CUL3: variants seen among roughly 807,000 people sequenced by gnomAD.
The protein encoded by CUL3 is cullin 3.
A neutral mutation model predicts 89.1 loss-of-function variants in CUL3; 19 were observed. The ratio of observed to expected loss-of-function variants is 0.21; its 90% CI spans 0.15 to 0.31. The LOEUF (loss-of-function observed/expected upper bound fraction) is 0.31. Ranked by LOEUF, CUL3 falls within the 10% of genes least tolerant of loss-of-function variation. CUL3 has a pLI of 1.00. For missense variants in CUL3, 469 were observed against 942.3 expected, an observed-to-expected ratio of 0.50 and a Z score of 6.58; for synonymous variants, 351 against 308.4, an observed-to-expected ratio of 1.14 and a Z score of -1.45.
chr2:224,522,320 A>C (rs951361597), intron 3 of CUL3, among the ~76,000 whole-genome samples: 1 of 152,056 alleles, frequency 6.6e-6, no homozygotes. Context: ...ATAGTGGGGG[A>C]AAAAAAGTCT....
At chr2:224,481,825 G>C (rs2106150814) in intron 14 of CUL3, 67 bp downstream of exon 14, 2 of 1,118,452 alleles carry the variant, frequency 1.8e-6, no homozygotes, top group Non-Finnish European at 1.2e-6. Context: ...AAATCCAATA[G>C]ATGAGATTTT....
At chr2:224,526,706 A>T (rs1693494884) in intron 3 of CUL3, among the ~76,000 whole-genome samples, 1 of 151,836 alleles carries the variant, frequency 6.6e-6, no homozygotes, top group African/African-American at 2.4e-5. Flanking sequence ...CCTAAACTTA[A>T]TGTCATGGAC....
chr2:224,520,074 G>A (rs1035885899), intron 3 of CUL3, among the ~76,000 whole-genome samples: 7 of 152,176 alleles, frequency 4.6e-5, no homozygotes, highest in Admixed American at 1.3e-4. Flanking sequence ...GAAAGTTGGT[G>A]GCTTTTTCTA....
chr2:224,565,889 T>TAGAA, intron 1 of CUL3, among the ~76,000 whole-genome samples: 1 of 152,344 alleles, frequency 6.6e-6, no homozygotes, highest in African/African-American at 2.4e-5. Context: ...AGCAATAATG[T>TAGAA]ATCATTTCAG....
At chr2:224,578,297 A>G (rs1695355690) in intron 1 of CUL3, among the ~76,000 whole-genome samples, 1 of 152,168 alleles carries the variant, frequency 6.6e-6, no homozygotes, top group East Asian at 1.9e-4. Context: ...GATAGTCATT[A>G]AAAACTATGT....
chr2:224,523,261 A>G (rs1693336286), intron 3 of CUL3, among the ~76,000 whole-genome samples: 1 of 152,188 alleles, frequency 6.6e-6, no homozygotes, highest in Non-Finnish European at 1.5e-5. Context: ...CATCTACCTC[A>G]AAATGTTATT....
chr2:224,585,358 G>GTCCTCC lies in CUL3; in HGVS notation c.-350_-349insGGAGGA. 3 of 400,498 alleles carry GTCCTCC rather than the reference G, an allele frequency of 7.5e-6. No homozygotes were observed. Among genetic ancestry groups the GTCCTCC allele is most frequent in the South Asian group, 2.5e-4 (2 of 7,914 alleles). 24.8% of individuals were successfully genotyped at this position (400,498 alleles called of 1,614,324 possible). On this transcript the variant is annotated 5_prime_UTR_variant, in exon 1 of 16. Coordinates refer to ENST00000264414, the MANE Select transcript of CUL3 (RefSeq NM_003590.5). The stretch of plus-strand genomic sequence containing the variant: ...CATCTCACTGCGCAGGCCGAACGTC[G>GTCCTCC]TCCTCCTCCTCCTCCTTCTCCTCCT...
chr2:224,546,601 A>G (rs1694310510), intron 2 of CUL3, among the ~76,000 whole-genome samples: 1 of 151,914 alleles, frequency 6.6e-6, no homozygotes, highest in Non-Finnish European at 1.5e-5. Context: ...ATAAATGAAC[A>G]GGTCCTCCTT....
At chr2:224,582,136 T>C (rs1262555365) in intron 1 of CUL3, among the ~76,000 whole-genome samples, 5 of 152,086 alleles carry the variant, frequency 3.3e-5, no homozygotes, top group Non-Finnish European at 1.5e-5. Flanking sequence ...CGCTAATTTT[T>C]TGTATTTTAA....
At chr2:224,520,991 A>G (rs1574653012) in intron 3 of CUL3, among the ~76,000 whole-genome samples, 1 of 152,224 alleles carries the variant, frequency 6.6e-6, no homozygotes, top group African/African-American at 2.4e-5. Flanking sequence ...AAAGTGCGCT[A>G]AATAGTTTCA....
chr2:224,495,208 G>C (rs1465778887), intron 13 of CUL3: 1 of 152,074 alleles, frequency 6.6e-6, no homozygotes, highest in Non-Finnish European at 1.5e-5. Flanking sequence ...AAAGACTGCA[G>C]ATGATGTAGA....
chr2:224,561,692 T>C (rs1020443539), intron 1 of CUL3, among the ~76,000 whole-genome samples: 1 of 152,234 alleles, frequency 6.6e-6, no homozygotes, highest in Non-Finnish European at 1.5e-5. Flanking sequence ...CTGCTACCTC[T>C]TTTTAATCAG....
intron 14 of CUL3, among the ~76,000 whole-genome samples, chr2:224,481,429 T>C (rs1280184552): frequency 6.6e-6 from 1 of 152,086 alleles, no homozygotes; most frequent in Non-Finnish European, 1.5e-5. Context: ...GTATCATTTC[T>C]ATGTTTTTAA....
intron 3 of CUL3, among the ~76,000 whole-genome samples, chr2:224,526,043 G>A (rs559856909): frequency 6.6e-5 from 10 of 152,280 alleles, no homozygotes; most frequent in African/African-American, 2.4e-4. Flanking sequence ...GAGAGTTCGT[G>A]AAATATGACC....
At position 224,506,052 on chromosome 2, in the gene CUL3, A is replaced by G; in HGVS notation, c.1110T>C (p.Ile370=). Residue 370 remains isoleucine, a synonymous_variant, in exon 8 of 16, where the codon ATT becomes ATC. Coordinates refer to ENST00000264414, the MANE Select transcript of CUL3 (RefSeq NM_003590.5). ...FNNDRLFKQT[I]AGDFEYFLNL... ...TGAGAAAATACTCAAAGTCACCCGC[A>G]ATAGTTTGTTTAAAGAGACGGTCAT... 1.9e-6 allele frequency: 3 copies of G among 1,613,040 alleles called. No individual in the cohort carries two copies. Among genetic ancestry groups the G allele is most frequent in the Non-Finnish European group, 2.5e-6 (3 of 1,179,334 alleles).
chr2:224,554,979 G>C (rs928626908), intron 2 of CUL3, among the ~76,000 whole-genome samples: 1 of 152,034 alleles, frequency 6.6e-6, no homozygotes, highest in Non-Finnish European at 1.5e-5. Context: ...TTCATCCCTT[G>C]GCTCTGGGCT....
At chr2:224,534,861 C>T (rs1162973784) in intron 3 of CUL3, among the ~76,000 whole-genome samples, 2 of 151,444 alleles carry the variant, frequency 1.3e-5, no homozygotes, top group African/African-American at 4.8e-5. Flanking sequence ...AATAGCCGGG[C>T]GTGGTGACGG....
intron 13 of CUL3, among the ~76,000 whole-genome samples, chr2:224,491,150 T>A (rs193234767): frequency 3.9e-5 from 6 of 152,334 alleles, no homozygotes; most frequent in African/African-American, 1.2e-4. Flanking sequence ...AATCAGCTTG[T>A]CGAGTTTTAT....
At position 224,582,887 on chromosome 2, in the gene CUL3, G is replaced by A. The variant is rs369532928; in HGVS notation, c.66+2057C>T. On this transcript the variant is annotated intron_variant, in intron 1 of 15. Transcript: ENST00000264414. ...GAACAAATTAAATGATGGCAAAACA[G>A]GTAAGAGCAGGGAAACCTGAAGAGG... Among the ~76,000 whole-genome samples, 22 of 152,282 alleles carry A rather than the reference G, an allele frequency of 1.4e-4. No homozygotes were observed. In the East Asian group the frequency reaches 2.5e-3, roughly 17 times the overall value.
Sources: allele counts gnomAD v4.1 joint callset (sites outside exome capture counted in the v4.1 genomes callset), GRCh38; gene constraint gnomAD v4.1.1; transcripts MANE v1.5; gene names NCBI Gene and HGNC (gene_info 2026-07-23, HGNC 2026-07-21).